The following C6orf132 variants were observed in gnomAD, a reference collection of about 807,000 sequenced individuals.
C6orf132 encodes the protein uncharacterized protein C6orf132.
Under a neutral mutation model 65.3 loss-of-function variants are expected in C6orf132, and 43 were observed. That is an observed-to-expected ratio of 0.66 (90% CI 0.52 to 0.85). C6orf132 has a LOEUF of 0.85. C6orf132 is among the 40% of genes least tolerant of loss of function. The probability of loss-of-function intolerance (pLI) is 0.00; values close to 1 mark genes in which losing one functional copy is unlikely to be tolerated. For missense variants in C6orf132, 1,488 were observed against 1,548.8 expected, an observed-to-expected ratio of 0.96 and a Z score of 0.66; for synonymous variants, 631 against 654.1, an observed-to-expected ratio of 0.96 and a Z score of 0.54.
At chr6:42,136,858 C>T (rs1387307875) in intron 1 of C6orf132, among the ~76,000 whole-genome samples, 2 of 151,984 alleles carry the variant, frequency 1.3e-5, no homozygotes, top group Admixed American at 1.3e-4. Flanking sequence ...TAGAGGAGGA[C>T]GGAACAGAAA....
Position 42,136,127 on chromosome 6 carries a change from TA to T in C6orf132, c.145+6172del, listed in dbSNP as rs199921417. Reference sequence around the variant, plus strand: ...TAAAGTATAATAATAATAAAAATAATAAAAAAAAAATAAAAACTTACCTGTA... The same window carrying T: ...TAAAGTATAATAATAATAAAAATAATAAAAAAAAATAAAAACTTACCTGTA... On this transcript the variant is annotated intron_variant, in intron 1 of 4. Transcript: ENST00000341865. Among the ~76,000 whole-genome samples, 268 of 89,162 alleles carry T rather than the reference TA, an allele frequency of 3.0e-3. 1 individual carries two copies. The highest frequency in any genetic ancestry group is 8.0e-3 in the African/African-American group (200 of 24,978). 58.5% of individuals were successfully genotyped at this position (89,162 alleles called of 152,430 possible).
intron 1 of C6orf132, among the ~76,000 whole-genome samples, chr6:42,135,993 C>T (rs1363469429): frequency 6.6e-6 from 1 of 152,124 alleles, no homozygotes; most frequent in African/African-American, 2.4e-5. Context: ...TCTTGTTTTT[C>T]CTGAATGAGA....
intron 2 of C6orf132, among the ~76,000 whole-genome samples, chr6:42,119,245 T>C (rs1379897637): frequency 2.2e-5 from 1 of 44,446 alleles, no homozygotes; most frequent in Non-Finnish European, 3.7e-5. Context: ...CAAGACTCTG[T>C]CTCAAAAAAA....
At chr6:42,110,716 A>G (rs995940471) in intron 2 of C6orf132, among the ~76,000 whole-genome samples, 16 of 152,234 alleles carry the variant, frequency 1.1e-4, no homozygotes, top group African/African-American at 3.9e-4. Context: ...CGATAGCACT[A>G]TAACACATGA....
chr6:42,106,074 G>A lies in C6orf132; in HGVS notation c.1838C>T (p.Pro613Leu), dbSNP rs1453309272. The A allele has an allele frequency of 6.5e-7, 1 of 1,537,138 alleles. No homozygotes were observed. Among genetic ancestry groups the A allele is most frequent in the Non-Finnish European group, 8.7e-7 (1 of 1,146,914 alleles). The change falls in exon 4 of 5, where the codon CCT (proline) becomes CTT (leucine). Residue 613 changes from proline (P) to leucine (L), a missense_variant. Transcript: ENST00000341865. Reference protein sequence around the residue: ...NGADDDKLSKPVAKNLPPQST... With the variant: ...NGADDDKLSKLVAKNLPPQST... ...TTGAGGTGGCAGATTCTTGGCCACA[G>A]GCTTGGAGAGTTTGTCATCATCAGC...
chr6:42,126,847 C>CAAAAAA (rs35231653), intron 2 of C6orf132: 15 of 349,012 alleles, frequency 4.3e-5, no homozygotes, highest in South Asian at 6.8e-5. Flanking sequence ...ACTCAGTCTG[C>CAAAAAA]AAAAAAAAAA....
At chr6:42,113,457 G>C (rs1298174642) in intron 2 of C6orf132, among the ~76,000 whole-genome samples, 1 of 152,182 alleles carries the variant, frequency 6.6e-6, no homozygotes, top group Non-Finnish European at 1.5e-5. Flanking sequence ...CAGAGCCAGG[G>C]TGCAAACCTA....
In C6orf132 at chr6:42,105,815, G is replaced by T. The variant is rs762377172; in HGVS notation, c.2097C>A (p.Pro699=). 6.5e-6 allele frequency: 10 copies of T among 1,537,194 alleles called. No homozygotes were observed. In the South Asian group the frequency reaches 1.2e-4, roughly 18 times the overall value. Residue 699 remains proline (P), a synonymous_variant, in exon 4 of 5, where the codon CCC becomes CCA. Transcript: ENST00000341865. ...PAIASTATTL[P]TTTSQLMAEK... is the part of the protein sequence containing the mutation. ...CTGCCATCAGTTGGGATGTGGTGGT[G>T]GGCAGAGTTGTGGCTGTAGATGCTA...
chr6:42,135,496 C>T (rs1423170146), intron 1 of C6orf132, among the ~76,000 whole-genome samples: 1 of 152,182 alleles, frequency 6.6e-6, no homozygotes, highest in Admixed American at 6.5e-5. Flanking sequence ...TCCCTTGCTC[C>T]CCGAGCGGAG....
At chr6:42,128,014 T>TC (rs1378706425) in intron 2 of C6orf132, among the ~76,000 whole-genome samples, 4 of 151,022 alleles carry the variant, frequency 2.6e-5, no homozygotes, top group Non-Finnish European at 5.9e-5. Context: ...AAGCTCCGCC[T>TC]CCTGGGTTCA....
In C6orf132 at chr6:42,107,536, C is replaced by G. The variant is rs1430014204; in HGVS notation, c.376G>C (p.Gly126Arg). 1.3e-6 allele frequency: 2 copies of G among 1,550,734 alleles called. No homozygotes were observed. Among genetic ancestry groups the G allele is most frequent in the East Asian group, 4.9e-5 (2 of 40,890 alleles). ...NGNLRLYSSV[G>R]DLRPGQYGQD... is the part of the protein sequence containing the mutation. ...CCATATTGTCCAGGCCTCAGGTCAC[C>G]CACAGAGCTGTACAGTCGGAGGTTG... is the stretch of plus-strand genomic sequence containing the variant. The change falls in exon 4 of 5, where the codon GGT becomes CGT. Residue 126 changes from glycine to arginine, a missense_variant. Physicochemically the swap from Gly to Arg is moderately radical, Grantham distance 125. Coordinates refer to ENST00000341865, the MANE Select transcript of C6orf132 (RefSeq NM_001164446.3).
intron 1 of C6orf132, among the ~76,000 whole-genome samples, chr6:42,134,013 G>A (rs9471781): frequency 0.13 from 19,049 of 152,064 alleles, 1,277 homozygotes; most frequent in African/African-American, 0.15. Flanking sequence ...TCTCCCTCAG[G>A]AGAACCTGGC....
In C6orf132 at chr6:42,128,721, G is replaced by T. The variant is rs148185675; in HGVS notation, c.203C>A (p.Thr68Lys). Reference sequence around the variant, plus strand: ...CCGGACTCTTGGCCGAGCTTTCAGCGTGGCTGTTCCTGACTCGCTCACTGT... The same window carrying T: ...CCGGACTCTTGGCCGAGCTTTCAGCTTGGCTGTTCCTGACTCGCTCACTGT... ...FNTVSESGTA[T>K]LKARPRVRPL... The change falls in exon 2 of 5, where the codon ACG becomes AAG. Residue 68 changes from threonine (T) to lysine (K), a missense_variant. By Grantham distance (78) the Thr-to-Lys change is moderately conservative. Transcript: ENST00000341865. 1.9e-6 allele frequency: 3 copies of T among 1,551,446 alleles called. No homozygotes were observed. The highest frequency in any genetic ancestry group is 1.4e-5 in the African/African-American group (1 of 73,014).
In C6orf132 at chr6:42,124,258, T is replaced by C. The variant is rs914162884; in HGVS notation, c.252+4414A>G. On this transcript the variant is annotated intron_variant, in intron 2 of 4. Coordinates refer to ENST00000341865, the MANE Select transcript of C6orf132 (RefSeq NM_001164446.3). This position sits in a 1 kb window ranked among gnomAD's most constrained non-coding sequence, Gnocchi z 4.0. ...GGGATCCCGAGGTCCTTTTCCTAGCTGGCCTTTGGCTGCTGGATGCCTGAT... is the reference window on the plus strand; with the variant it reads ...GGGATCCCGAGGTCCTTTTCCTAGCCGGCCTTTGGCTGCTGGATGCCTGAT... 5.9e-5 allele frequency among the ~76,000 whole-genome samples: 9 copies of C among 152,224 alleles called. No individual in the cohort carries two copies. The highest frequency in any genetic ancestry group is 2.2e-4 in the African/African-American group (9 of 41,466).
chr6:42,106,710 GGTGC>G lies in C6orf132; in HGVS notation c.1198_1201del (p.Ala400ProfsTer116). Reference sequence around the variant, plus strand: ...TGGGGGTGCTGGGGGAGGGAGGGGGGGTGCAGGAGGGGGCAGGGGAGGGGCTGGA... The same window carrying G: ...TGGGGGTGCTGGGGGAGGGAGGGGGGAGGAGGGGGCAGGGGAGGGGCTGGA... On this transcript the variant is annotated frameshift_variant, in exon 4 of 5. Transcript: ENST00000341865. LOFTEE classifies it high-confidence loss of function. 2 of 687,034 alleles carry G rather than the reference GGTGC, an allele frequency of 2.9e-6. No individual in the cohort carries two copies. The highest frequency in any genetic ancestry group is 2.5e-5 in the Admixed American group (1 of 40,576). The allele number at this position is 687,034 out of a possible 1,614,324, so 42.6% of individuals were successfully genotyped here. A position where few individuals can be genotyped will look rare whatever the true frequency, so the allele number is the denominator to read the frequency against.
Position 42,104,634 on chromosome 6 carries a change from C to A in C6orf132, c.3278G>T (p.Gly1093Val). 1 of 1,420,306 alleles carries A rather than the reference C, an allele frequency of 7.0e-7. No homozygotes were observed. The highest frequency in any genetic ancestry group is 1.5e-5 in the African/African-American group (1 of 66,148). The allele number at this position is 1,420,306 out of a possible 1,614,324, so 88.0% of individuals were successfully genotyped here. ...CATCTCGGGGCCTCCGGGCTGCGGC[C>A]CGAAGCAGTTGGGAGAGCTCAGGCT... ...GRSLSSPNCF[G>V]PQPGGPEMRR... The change falls in exon 4 of 5, where the codon GGG becomes GTG. Residue 1093 changes from glycine to valine, a missense_variant. By Grantham distance (109) the Gly-to-Val change is moderately radical (BLOSUM62 -3). Coordinates refer to ENST00000341865, the MANE Select transcript of C6orf132 (RefSeq NM_001164446.3). This position sits in a 1 kb window ranked among gnomAD's most constrained non-coding sequence, Gnocchi z 4.1.
chr6:42,110,243 C>G lies in C6orf132; in HGVS notation c.301G>C (p.Asp101His). The G allele has an allele frequency of 1.9e-6, 3 of 1,548,656 alleles. No individual in the cohort carries two copies. The highest frequency in any genetic ancestry group is 2.6e-6 in the Non-Finnish European group (3 of 1,145,898). ...GTCACTTCTTTGTCTGCAAAATCAT[C>G]TGGAACCGAGGGGGTGGGCACAGCC... ...GLAVPTPSVPDDFADKEVTGT... is the reference protein window; with the variant it reads ...GLAVPTPSVPHDFADKEVTGT... Residue 101 changes from aspartate to histidine, a missense_variant, in exon 3 of 5, where the codon GAT (aspartate) becomes CAT (histidine). By Grantham distance (81) the Asp-to-His change is moderately conservative. Coordinates refer to ENST00000341865, the MANE Select transcript of C6orf132 (RefSeq NM_001164446.3).
chr6:42,142,569 C>A lies in C6orf132; in HGVS notation c.-125G>T. On this transcript the variant is annotated 5_prime_UTR_variant, in exon 1 of 5. Coordinates refer to ENST00000341865, the MANE Select transcript of C6orf132 (RefSeq NM_001164446.3). ...AGGCCATGTCCCCCGCCGTCCTCCCCGCCCGCGCACCGGGCAACAGGTGCT... is the reference window on the plus strand; with the variant it reads ...AGGCCATGTCCCCCGCCGTCCTCCCAGCCCGCGCACCGGGCAACAGGTGCT... The A allele has an allele frequency of 1.1e-6, 1 of 929,692 alleles. No individual in the cohort carries two copies. Among genetic ancestry groups the A allele is most frequent in the Non-Finnish European group, 1.5e-6 (1 of 688,524 alleles). The allele number at this position is 929,692 out of a possible 1,614,324, so 57.6% of individuals were successfully genotyped here.
intron 2 of C6orf132, among the ~76,000 whole-genome samples, chr6:42,123,592 G>GAAGAAGAAGA (rs1562038789): frequency 2.6e-5 from 4 of 151,352 alleles, no homozygotes; most frequent in African/African-American, 9.8e-5. Flanking sequence ...GAAAGAAGAA[G>GAAGAAGAAGA]AAGAAAGAAG....
Sources: allele counts gnomAD v4.1 joint callset (sites outside exome capture counted in the v4.1 genomes callset), GRCh38; gene constraint gnomAD v4.1.1; non-coding constraint Gnocchi (gnomAD v3.1); transcripts MANE v1.5; gene names NCBI Gene and HGNC (gene_info 2026-07-23, HGNC 2026-07-21).